KRT8: variants seen among roughly 807,000 people sequenced by gnomAD.
KRT8 encodes keratin, type II cytoskeletal 8.
KRT8 carries 24 observed loss-of-function variants against 43.0 expected under a neutral mutation model. That is an observed-to-expected ratio of 0.56 (90% CI 0.40 to 0.78). The LOEUF (loss-of-function observed/expected upper bound fraction) is 0.78, where lower values mean the gene tolerates loss of function less well. KRT8 is among the 30% of genes least tolerant of loss of function. The probability of loss-of-function intolerance (pLI) is 0.00; values close to 1 mark genes in which losing one functional copy is unlikely to be tolerated. For missense variants in KRT8, 492 were observed against 638.4 expected (o/e 0.77, Z 2.47); for synonymous variants, 214 against 261.2 (o/e 0.82, Z 1.74).
chr12:52,943,607 G>A (rs1942300224), intron 2 of KRT8, among the ~76,000 whole-genome samples: 1 of 152,200 alleles, frequency 6.6e-6, no homozygotes, highest in Non-Finnish European at 1.5e-5. Flanking sequence ...GATGCTCCAG[G>A]TGGGCCCGTT....
At chr12:52,926,026 T>C (rs1941982735) in intron 2 of KRT8, among the ~76,000 whole-genome samples, 1 of 152,090 alleles carries the variant, frequency 6.6e-6, no homozygotes, top group South Asian at 2.1e-4. Flanking sequence ...TGGTGAGACC[T>C]GCCCTGGAGA....
intron 1 of KRT8, chr12:52,949,696 G>A: frequency 2.9e-6 from 3 of 1,047,410 alleles, no homozygotes; most frequent in Non-Finnish European, 4.4e-6. Flanking sequence ...CTACTCCACC[G>A]GGAGGGGGTT....
At chr12:52,922,462 CAGA>C (rs1466807749) in intron 2 of KRT8, among the ~76,000 whole-genome samples, 4 of 152,136 alleles carry the variant, frequency 2.6e-5, no homozygotes, top group Non-Finnish European at 5.9e-5. Flanking sequence ...TACTTGAGCT[CAGA>C]AGTTCAAGGC....
exon 1 of KRT8, chr12:52,949,768 C>T (rs1288832032): frequency 4.2e-6 from 3 of 719,724 alleles, no homozygotes; most frequent in Non-Finnish European, 7.7e-6. Context: ...AGCAGCTAGG[C>T]ATGGGAGGGC....
At chr12:52,931,408 G>A (rs1942081551) in intron 2 of KRT8, among the ~76,000 whole-genome samples, 1 of 152,044 alleles carries the variant, frequency 6.6e-6, no homozygotes, top group South Asian at 2.1e-4. Context: ...TTGGTTTTTG[G>A]TAATTTCCTA....
At chr12:52,936,144 C>G (rs1278047757) in intron 2 of KRT8, among the ~76,000 whole-genome samples, 1 of 151,600 alleles carries the variant, frequency 6.6e-6, no homozygotes. Context: ...CCCAGCTACT[C>G]GGGAGGCCGA....
In KRT8 at chr12:52,935,316, T is replaced by A. The variant is rs1169821747; in HGVS notation, c.-47+14140A>T. Among the ~76,000 whole-genome samples, 39 of 135,152 alleles carry A rather than the reference T, an allele frequency of 2.9e-4. 1 individual carries two copies. Among genetic ancestry groups the A allele is most frequent in the South Asian group, 4.6e-4 (2 of 4,326 alleles). The allele number at this position is 135,152 out of a possible 152,430, so 88.7% of individuals were successfully genotyped here. ...ATCGCTTGAACCCAGGAGGCATAGG[T>A]TGCAATGAGTCGAGATCGTGCCATT... On this transcript the variant is annotated intron_variant, in intron 2 of 6. Transcript: ENST00000546826.
At chr12:52,946,703 G>C (rs1942349515) in intron 2 of KRT8, 3 of 152,214 alleles carry the variant, frequency 2.0e-5, no homozygotes, top group Non-Finnish European at 1.5e-5. Flanking sequence ...AAGCAGGAGA[G>C]ACCCCTCTGA....
exon 8 of KRT8, chr12:52,897,360 T>C (rs1411182027): frequency 2.2e-6 from 3 of 1,388,146 alleles, no homozygotes; most frequent in Non-Finnish European, 3.0e-6. Context: ...CTACCCTGCA[T>C]AGCGGCCTCC....
At chr12:52,915,212 A>T (rs888733555) in intron 2 of KRT8, among the ~76,000 whole-genome samples, 2 of 152,030 alleles carry the variant, frequency 1.3e-5, no homozygotes, top group African/African-American at 4.8e-5. Context: ...TCTCTACTAA[A>T]GATACAAAAA....
At chr12:52,935,612 A>C (rs561489798) in intron 2 of KRT8, among the ~76,000 whole-genome samples, 1 of 151,708 alleles carries the variant, frequency 6.6e-6, no homozygotes, top group South Asian at 2.1e-4. Context: ...GAAATAGAAC[A>C]CAAAAAATAC....
chr12:52,900,798 T>C (rs1056880997), intron 3 of KRT8, 115 bp from the exon 4 acceptor site: 22 of 738,240 alleles, frequency 3.0e-5, no homozygotes, highest in African/African-American at 2.9e-4. Context: ...GCCCACTTTG[T>C]GGATTGATCT....
chr12:52,915,649 G>A (rs888723299), intron 2 of KRT8, among the ~76,000 whole-genome samples: 1 of 152,054 alleles, frequency 6.6e-6, no homozygotes, highest in African/African-American at 2.4e-5. Context: ...GGCAGAGGCT[G>A]CAGTGAGCCA....
chr12:52,919,564 A>C (rs1344269047), intron 2 of KRT8, among the ~76,000 whole-genome samples: 1 of 151,830 alleles, frequency 6.6e-6, no homozygotes, highest in Admixed American at 6.6e-5. Context: ...CACCATGCCC[A>C]GCCATGGCTT....
chr12:52,901,362 C>T (rs1489228256), intron 2 of KRT8, 143 bp from the exon 3 acceptor site: 6 of 711,716 alleles, frequency 8.4e-6, no homozygotes, highest in South Asian at 5.8e-5. Flanking sequence ...CTTCTGCCTT[C>T]CCCAGCTGCC....
rs988457580 is a variant in KRT8, at chr12:52,934,283, G to A, written c.-47+15173C>T. The stretch of plus-strand genomic sequence containing the variant: ...AGGAGAAGGAGAAGGAGAAGAAGCC[G>A]GGCACAGTGGTTTACGCCTCTAATC... On this transcript the variant is annotated intron_variant, in intron 2 of 6. Transcript: ENST00000546826. Among the ~76,000 whole-genome samples the A allele has an allele frequency of 5.3e-5, 8 of 151,756 alleles. No individual in the cohort carries two copies. The South Asian group carries it at 1.0e-3, about 20-fold the overall frequency.
chr12:52,943,372 C>G (rs544571803), intron 2 of KRT8, among the ~76,000 whole-genome samples: 2 of 152,064 alleles, frequency 1.3e-5, no homozygotes, highest in South Asian at 4.1e-4. Flanking sequence ...GTGGGCCCCC[C>G]TTCCTTGAAC....
chr12:52,927,964 G>T (rs1325590366), intron 2 of KRT8, among the ~76,000 whole-genome samples: 2 of 152,178 alleles, frequency 1.3e-5, no homozygotes, highest in Non-Finnish European at 2.9e-5. Flanking sequence ...CTGTAATCAA[G>T]GAGAATCGCT....
intron 2 of KRT8, among the ~76,000 whole-genome samples, chr12:52,924,448 CAA>C (rs67999410): frequency 1.1e-3 from 120 of 110,966 alleles, no homozygotes; most frequent in Middle Eastern, 5.0e-3. Context: ...GACTCCGTCT[CAA>C]AAAAAAAAAA....
Sources: allele counts gnomAD v4.1 joint callset (sites outside exome capture counted in the v4.1 genomes callset), GRCh38; gene constraint gnomAD v4.1.1; transcripts MANE v1.5; gene names NCBI Gene and HGNC (gene_info 2026-07-23, HGNC 2026-07-21).